Variants in KATNIP observed in about 807,000 individuals in gnomAD.
KATNIP encodes the protein katanin-interacting protein.
KATNIP carries 126 observed loss-of-function variants against 174.0 expected under a neutral mutation model. That is an observed-to-expected ratio of 0.72 (90% CI 0.63 to 0.84). KATNIP has a LOEUF of 0.84. KATNIP is among the 40% of genes least tolerant of loss of function. KATNIP has a pLI of 0.00. For synonymous variants in KATNIP, 810 were observed against 835.7 expected (o/e 0.97, Z 0.53); for missense variants, 1,958 against 2,109.7 (o/e 0.93, Z 1.41).
At chr16:27,743,726 A>T (rs1374590676) in intron 15 of KATNIP, among the ~76,000 whole-genome samples, 1 of 152,210 alleles carries the variant, frequency 6.6e-6, no homozygotes, top group Non-Finnish European at 1.5e-5. Flanking sequence ...GATTGAAGTA[A>T]TATTTTTCAG....
In KATNIP at chr16:27,778,076, A is replaced by G. The variant is rs1233574069; in HGVS notation, c.4801+107A>G. 9 of 960,774 alleles carry G rather than the reference A, an allele frequency of 9.4e-6. No homozygotes were observed. In the East Asian group the frequency reaches 2.3e-4, roughly 25 times the overall value. The allele number at this position is 960,774 out of a possible 1,614,324, so 59.5% of individuals were successfully genotyped here. On this transcript the variant is annotated intron_variant, in intron 27 of 27. Transcript: ENST00000261588. ...CACCCTCACCCCTGCCTGCCCCTAG[A>G]CCGCTCTCCTCTGCCCAGGAGCCTG...
rs1016522909 is a variant in KATNIP at position 27,702,180 on chromosome 16, T to C, written c.1286+485T>C. ...ATTTCTTTTAGGCATATGGCTCTTA[T>C]CTTGGTCAGTTTGGCCCCAACCTGT... On this transcript the variant is annotated intron_variant, in intron 11 of 27. Coordinates refer to ENST00000261588, the MANE Select transcript of KATNIP (RefSeq NM_015202.5). Among the ~76,000 whole-genome samples the C allele has an allele frequency of 1.3e-5, 2 of 152,230 alleles. 1 individual carries two copies. Among genetic ancestry groups the C allele is most frequent in the South Asian group, 4.1e-4 (2 of 4,832 alleles).
At chr16:27,769,582 T>A (rs1053637840) in intron 20 of KATNIP, among the ~76,000 whole-genome samples, 1 of 152,238 alleles carries the variant, frequency 6.6e-6, no homozygotes, top group Non-Finnish European at 1.5e-5. Context: ...CCCAGGCCGC[T>A]GCAGCTGTTG....
At chr16:27,646,721 C>T (rs2076968926) in intron 5 of KATNIP, among the ~76,000 whole-genome samples, 1 of 152,200 alleles carries the variant, frequency 6.6e-6, no homozygotes, top group African/African-American at 2.4e-5. Flanking sequence ...AGTTAAGGTA[C>T]AGGTTTGGCT....
intron 8 of KATNIP, among the ~76,000 whole-genome samples, chr16:27,692,726 C>A (rs961614716): frequency 6.6e-6 from 1 of 152,158 alleles, no homozygotes; most frequent in Non-Finnish European, 1.5e-5. Context: ...CATGAGCAGC[C>A]CCTTACCCTC....
At chr16:27,594,919 C>A (rs1182637092) in intron 2 of KATNIP, among the ~76,000 whole-genome samples, 1 of 152,112 alleles carries the variant, frequency 6.6e-6, no homozygotes, top group Non-Finnish European at 1.5e-5. Flanking sequence ...CAGCACAGAG[C>A]AATCAGTTTA....
intron 8 of KATNIP, among the ~76,000 whole-genome samples, chr16:27,689,785 G>A (rs540907719): frequency 6.6e-6 from 1 of 152,292 alleles, no homozygotes; most frequent in African/African-American, 2.4e-5. Flanking sequence ...GTTCTGTAGT[G>A]AGCTAGCAGG....
At chr16:27,721,735 G>A (rs1300072126) in intron 14 of KATNIP, 40 bp downstream of exon 14, 1 of 1,603,368 alleles carries the variant, frequency 6.2e-7, no homozygotes, top group African/African-American at 1.3e-5. Context: ...GCACTGGGTT[G>A]ATGGAAGCAC....
intron 2 of KATNIP, among the ~76,000 whole-genome samples, chr16:27,605,641 A>G (rs2075678068): frequency 6.6e-6 from 1 of 152,200 alleles, no homozygotes; most frequent in Non-Finnish European, 1.5e-5. Flanking sequence ...TAGGACACCT[A>G]TCCTAGGGCG....
At chr16:27,732,314 TA>T (rs2080725042) in intron 14 of KATNIP, among the ~76,000 whole-genome samples, 1 of 152,138 alleles carries the variant, frequency 6.6e-6, no homozygotes. Context: ...TCGAGGAAAT[TA>T]AATTGCATAT....
intron 18 of KATNIP, 52 bp downstream of exon 18, chr16:27,754,303 CAG>C (rs1320589599): frequency 3.3e-6 from 5 of 1,503,640 alleles, no homozygotes; most frequent in African/African-American, 2.8e-5. Flanking sequence ...CTTCCAGGGA[CAG>C]GGGGAGTTGT....
At chr16:27,693,013 C>G (rs2142925739) in intron 8 of KATNIP, among the ~76,000 whole-genome samples, 1 of 145,156 alleles carries the variant, frequency 6.9e-6, no homozygotes, top group East Asian at 2.1e-4. Flanking sequence ...CCTTCAGCTT[C>G]CTTCACTCCT....
rs56089744 is a variant in KATNIP, at chr16:27,705,190, C to T, written c.1389+1192C>T. 5.3e-3 allele frequency among the ~76,000 whole-genome samples: 807 copies of T among 152,232 alleles called. 2 individuals are homozygous for T. The highest frequency in any genetic ancestry group is 8.6e-3 in the Non-Finnish European group (588 of 68,024). On this transcript the variant is annotated intron_variant, in intron 12 of 27. Transcript: ENST00000261588. ...CCTCCCAAAGTGCTGGGATTATAGG[C>T]GTGAGCCACCACACCCAGCCTCCAT...
chr16:27,590,457 C>A (rs1462106595), intron 2 of KATNIP, among the ~76,000 whole-genome samples: 1 of 152,008 alleles, frequency 6.6e-6, no homozygotes, highest in African/African-American at 2.4e-5. Flanking sequence ...CAGGCATGAG[C>A]CACTGATTTC....
At chr16:27,714,444 T>C (rs1018323397) in intron 13 of KATNIP, among the ~76,000 whole-genome samples, 5 of 152,168 alleles carry the variant, frequency 3.3e-5, no homozygotes, top group Admixed American at 1.3e-4. Flanking sequence ...AACTTTTTAT[T>C]TGGAGATAAT....
intron 2 of KATNIP, among the ~76,000 whole-genome samples, chr16:27,592,266 A>G (rs1354687998): frequency 8.8e-6 from 1 of 113,048 alleles, no homozygotes; most frequent in Admixed American, 9.6e-5. Flanking sequence ...CTTTGCATAT[A>G]TTACTTTTTT....
At chr16:27,631,935 TG>T (rs1307810807) in intron 5 of KATNIP, among the ~76,000 whole-genome samples, 1 of 152,236 alleles carries the variant, frequency 6.6e-6, no homozygotes, top group African/African-American at 2.4e-5. Flanking sequence ...TCAGCTCCCA[TG>T]TAACTCGTCT....
At chr16:27,576,933 G>A (rs991949306) in intron 2 of KATNIP, among the ~76,000 whole-genome samples, 3 of 151,858 alleles carry the variant, frequency 2.0e-5, no homozygotes, top group African/African-American at 4.8e-5. Context: ...ACGTGGTGGT[G>A]AGGTGGTGTG....
chr16:27,713,809 C>CATATATATATATAT (rs60005285), intron 13 of KATNIP, among the ~76,000 whole-genome samples: 1 of 33,344 alleles, frequency 3.0e-5, no homozygotes, highest in Non-Finnish European at 6.2e-5. Flanking sequence ...TGTGTATATA[C>CATATATATATATAT]ATATATATAT....
Sources: allele counts gnomAD v4.1 joint callset (sites outside exome capture counted in the v4.1 genomes callset), GRCh38; gene constraint gnomAD v4.1.1; transcripts MANE v1.5; gene names NCBI Gene and HGNC (gene_info 2026-07-23, HGNC 2026-07-21).